The following MSI2 variants were observed in gnomAD, a reference collection of about 807,000 sequenced individuals.
MSI2 encodes RNA-binding protein Musashi homolog 2.
Under a neutral mutation model 45.6 loss-of-function variants are expected in MSI2, and 17 were observed. That is an observed-to-expected ratio of 0.37 (90% CI 0.26 to 0.56). The LOEUF is 0.56. Ranked by LOEUF, MSI2 falls within the 20% of genes least tolerant of loss-of-function variation. The pLI is 0.77. For missense variants in MSI2, 293 were observed against 444.2 expected (o/e 0.66, Z 3.06); for synonymous variants, 156 against 158.2 (o/e 0.99, Z 0.11).
chr17:57,424,606 A>T (rs1009913251), intron 6 of MSI2, among the ~76,000 whole-genome samples: 3 of 152,154 alleles, frequency 2.0e-5, no homozygotes, highest in African/African-American at 7.2e-5. Context: ...CCATTAACAC[A>T]TGACTATCTA....
chr17:57,462,200 T>G (rs1231988196), intron 6 of MSI2, among the ~76,000 whole-genome samples: 1 of 152,224 alleles, frequency 6.6e-6, no homozygotes, highest in African/African-American at 2.4e-5. Context: ...TGCTCATGCC[T>G]GGGCCTAAAT....
chr17:57,621,225 T>C (rs1908264208), intron 9 of MSI2, among the ~76,000 whole-genome samples: 1 of 152,220 alleles, frequency 6.6e-6, no homozygotes, highest in Non-Finnish European at 1.5e-5. Context: ...TGCCTGCATA[T>C]TAGTCCTGGA....
In MSI2 at chr17:57,275,298, A is replaced by T. The variant is rs183459030; in HGVS notation, c.312+13106A>T. 2.9e-4 allele frequency among the ~76,000 whole-genome samples: 44 copies of T among 152,366 alleles called. No individual in the cohort carries two copies. The East Asian group carries it at 6.2e-3, about 21-fold the overall frequency. ...GACACTTGGTAGGAACTGGGAGCACAGGGCTGGATGGTCCAAGAGGAGAGA... is the reference window on the plus strand; with the variant it reads ...GACACTTGGTAGGAACTGGGAGCACTGGGCTGGATGGTCCAAGAGGAGAGA... On this transcript the variant is annotated intron_variant, in intron 5 of 13. Transcript: ENST00000284073.
At chr17:57,339,537 G>T (rs1272235351) in intron 5 of MSI2, among the ~76,000 whole-genome samples, 1 of 152,136 alleles carries the variant, frequency 6.6e-6, no homozygotes, top group African/African-American at 2.4e-5. Flanking sequence ...TGCTGTCGTG[G>T]ATGATGGTCT....
intron 6 of MSI2, among the ~76,000 whole-genome samples, chr17:57,410,157 T>C (rs2084168715): frequency 6.6e-6 from 1 of 152,038 alleles, no homozygotes; most frequent in Admixed American, 6.6e-5. Context: ...TAAGGGGGTT[T>C]CTAGGAACTT....
chr17:57,654,151 G>C (rs1414728549), intron 11 of MSI2, among the ~76,000 whole-genome samples: 5 of 152,198 alleles, frequency 3.3e-5, no homozygotes, highest in Non-Finnish European at 7.3e-5. Context: ...CGCCCCACAG[G>C]GTGCAGGGTC....
At chr17:57,565,936 T>G (rs2087720126) in intron 7 of MSI2, 2 of 152,156 alleles carry the variant, frequency 1.3e-5, no homozygotes. Flanking sequence ...GAGTAGCGAT[T>G]TACGAAGAGC....
At chr17:57,589,430 G>A (rs950961579) in intron 7 of MSI2, among the ~76,000 whole-genome samples, 16 of 152,276 alleles carry the variant, frequency 1.1e-4, no homozygotes, top group African/African-American at 3.4e-4. Flanking sequence ...ACTACTCATC[G>A]CTTCTGCACT....
chr17:57,419,140 A>G (rs998711896), intron 6 of MSI2, among the ~76,000 whole-genome samples: 5 of 151,778 alleles, frequency 3.3e-5, no homozygotes, highest in African/African-American at 1.2e-4. Context: ...GTTTCTCTGA[A>G]AATTCGTCAT....
At chr17:57,430,075 A>G (rs1216050555) in intron 6 of MSI2, among the ~76,000 whole-genome samples, 1 of 152,214 alleles carries the variant, frequency 6.6e-6, no homozygotes, top group Non-Finnish European at 1.5e-5. Context: ...ATGTTTATTT[A>G]AATCATATGT....
At chr17:57,409,265 T>G (rs1303942794) in intron 6 of MSI2, among the ~76,000 whole-genome samples, 3 of 152,222 alleles carry the variant, frequency 2.0e-5, no homozygotes, top group Non-Finnish European at 4.4e-5. Context: ...TAGCTGATTA[T>G]TTTTCTTCTC....
intron 9 of MSI2, 88 bp downstream of exon 9, chr17:57,616,172 A>G: frequency 1.1e-6 from 1 of 901,250 alleles, no homozygotes; most frequent in Non-Finnish European, 1.8e-6. Context: ...CAGTGGGGCA[A>G]ACTGCTTCAC....
At chr17:57,667,475 G>A (rs553468375) in intron 11 of MSI2, among the ~76,000 whole-genome samples, 2 of 152,294 alleles carry the variant, frequency 1.3e-5, no homozygotes, top group Admixed American at 6.5e-5. Flanking sequence ...AAGCCTGGCA[G>A]ATAGTTCACA....
At chr17:57,639,946 GGCCCT>G (rs1254858574) in intron 10 of MSI2, among the ~76,000 whole-genome samples, 1 of 152,188 alleles carries the variant, frequency 6.6e-6, no homozygotes, top group African/African-American at 2.4e-5. Context: ...CTATGTCACA[GGCCCT>G]GCCCTAGATG....
chr17:57,307,081 G>T (rs1911982875), intron 5 of MSI2, among the ~76,000 whole-genome samples: 1 of 152,282 alleles, frequency 6.6e-6, no homozygotes, highest in Admixed American at 6.5e-5. Flanking sequence ...TCCTTGGGCT[G>T]TCCAACATTT....
intron 5 of MSI2, among the ~76,000 whole-genome samples, chr17:57,287,759 G>A (rs1910049724): frequency 6.6e-6 from 1 of 152,238 alleles, no homozygotes; most frequent in Non-Finnish European, 1.5e-5. Context: ...TGCCTAGAGC[G>A]GAGCAGGATG....
intron 6 of MSI2, among the ~76,000 whole-genome samples, chr17:57,492,320 A>G (rs1215169895): frequency 6.6e-6 from 1 of 152,152 alleles, no homozygotes; most frequent in Non-Finnish European, 1.5e-5. Flanking sequence ...CTCCACAATT[A>G]TTTTCACTGT....
chr17:57,264,998 G>A (rs1479589990), intron 5 of MSI2: 1 of 152,220 alleles, frequency 6.6e-6, no homozygotes, highest in African/African-American at 2.4e-5. Context: ...TTTTCAGATG[G>A]TTCTGGAGTT....
intron 6 of MSI2, among the ~76,000 whole-genome samples, chr17:57,501,161 G>C (rs963462297): frequency 6.6e-6 from 1 of 152,162 alleles, no homozygotes; most frequent in South Asian, 2.1e-4. Flanking sequence ...TGTGGTTCCT[G>C]AGTGTAAGGT....
Sources: gnomAD v4.1 joint callset for allele counts (sites outside exome capture counted in the v4.1 genomes callset) on GRCh38, gnomAD v4.1.1 for gene constraint, MANE v1.5 for transcripts, NCBI Gene and HGNC (gene_info 2026-07-23, HGNC 2026-07-21) for gene names.